Variants in PXDNL observed in about 807,000 individuals in gnomAD.
The protein encoded by PXDNL is peroxidasin like.
In PXDNL, 145 loss-of-function variants were observed where a neutral mutation model predicts 150.8. That is an observed-to-expected ratio of 0.96 (90% CI 0.84 to 1.10). The LOEUF is 1.10. Ranked by LOEUF, PXDNL falls within the 50% of genes least tolerant of loss-of-function variation. The pLI is 0.00. For synonymous variants in PXDNL, 757 were observed against 725.7 expected, an observed-to-expected ratio of 1.04 and a Z score of -0.69; for missense variants, 2,087 against 1,873.9, an observed-to-expected ratio of 1.11 and a Z score of -2.10.
At chr8:51,611,349 T>C (rs1813995312) in intron 2 of PXDNL, among the ~76,000 whole-genome samples, 1 of 152,202 alleles carries the variant, frequency 6.6e-6, no homozygotes, top group African/African-American at 2.4e-5. Context: ...AGAATGTAAC[T>C]GGATTTATTG....
At chr8:51,356,350 GT>G (rs1425902059) in intron 19 of PXDNL, among the ~76,000 whole-genome samples, 6 of 152,216 alleles carry the variant, frequency 3.9e-5, no homozygotes, top group Admixed American at 2.0e-4. Flanking sequence ...TTAGCTTGGT[GT>G]GGTGGCGGGT....
intron 4 of PXDNL, among the ~76,000 whole-genome samples, chr8:51,552,235 G>A (rs191559508): frequency 6.6e-6 from 1 of 151,850 alleles, no homozygotes; most frequent in Non-Finnish European, 1.5e-5. Flanking sequence ...TGCTGGTGGG[G>A]CAACCACTAA....
At chr8:51,387,917 C>T (rs573645179) in intron 17 of PXDNL, among the ~76,000 whole-genome samples, 38 of 152,166 alleles carry the variant, frequency 2.5e-4, no homozygotes, top group African/African-American at 9.2e-4. Flanking sequence ...AATCATGTTG[C>T]ACTATTCTTA....
chr8:51,406,231 A>T (rs1309857430), intron 17 of PXDNL, among the ~76,000 whole-genome samples: 1 of 152,234 alleles, frequency 6.6e-6, no homozygotes, highest in Non-Finnish European at 1.5e-5. Context: ...ACAAGACGTC[A>T]TACCCCTAAC....
At chr8:51,439,816 C>T (rs1487885907) in intron 12 of PXDNL, among the ~76,000 whole-genome samples, 1 of 117,936 alleles carries the variant, frequency 8.5e-6, no homozygotes, top group Non-Finnish European at 1.7e-5. Context: ...CAAAGTCAGA[C>T]TCCATCTCAA....
At chr8:51,610,647 A>C (rs1174563870) in intron 2 of PXDNL, among the ~76,000 whole-genome samples, 1 of 152,176 alleles carries the variant, frequency 6.6e-6, no homozygotes, top group Non-Finnish European at 1.5e-5. Flanking sequence ...GCTCTGTTGC[A>C]TCCTCTGCTA....
rs749281888 is a variant in PXDNL at position 51,408,977 on chromosome 8, C to CATAG, written c.2643_2646dup (p.Ala883LeufsTer139). 1 of 1,612,222 alleles carries CATAG rather than the reference C, an allele frequency of 6.2e-7. No individual in the cohort carries two copies. Among genetic ancestry groups the CATAG allele is most frequent in the South Asian group, 1.1e-5 (1 of 91,080 alleles). ...GTTTGCTGGTTGATCTGCTCTCGTG[C>CATAG]ATAGACTGAATCCACCGTCGCAGAG... On this transcript the variant is annotated frameshift_variant, in exon 17 of 23. Coordinates refer to ENST00000356297, the MANE Select transcript of PXDNL (RefSeq NM_144651.5). LOFTEE classifies it high-confidence loss of function.
intron 4 of PXDNL, among the ~76,000 whole-genome samples, chr8:51,545,722 T>A (rs1282153011): frequency 6.6e-6 from 1 of 152,198 alleles, no homozygotes; most frequent in African/African-American, 2.4e-5. Flanking sequence ...GATGTGGAAC[T>A]CACCCCCACA....
At chr8:51,716,503 C>A (rs1203301344) in intron 1 of PXDNL, among the ~76,000 whole-genome samples, 1 of 152,176 alleles carries the variant, frequency 6.6e-6, no homozygotes, top group Non-Finnish European at 1.5e-5. Context: ...CTACTGCACT[C>A]TTGCTGTGAA....
intron 3 of PXDNL, among the ~76,000 whole-genome samples, chr8:51,566,049 T>A (rs545984002): frequency 6.6e-6 from 1 of 152,004 alleles, no homozygotes; most frequent in African/African-American, 2.4e-5. Context: ...ATTTTATGCA[T>A]CTTCTGATAT....
At chr8:51,731,736 G>A (rs1816937196) in intron 1 of PXDNL, among the ~76,000 whole-genome samples, 3 of 152,166 alleles carry the variant, frequency 2.0e-5, no homozygotes, top group Non-Finnish European at 2.9e-5. Flanking sequence ...CTTAACTTCT[G>A]TGGACTCACA....
At chr8:51,612,062 G>T (rs916915583) in intron 2 of PXDNL, among the ~76,000 whole-genome samples, 4 of 152,192 alleles carry the variant, frequency 2.6e-5, no homozygotes, top group African/African-American at 7.2e-5. Context: ...TTAACCAAAG[G>T]AATAATGGTA....
chr8:51,642,781 A>G (rs1351603807), intron 2 of PXDNL, among the ~76,000 whole-genome samples: 2 of 152,232 alleles, frequency 1.3e-5, no homozygotes, highest in African/African-American at 4.8e-5. Flanking sequence ...ATGACTGTAT[A>G]TTTAGAAAAC....
At chr8:51,756,514 A>T (rs2037103864) in intron 1 of PXDNL, among the ~76,000 whole-genome samples, 1 of 152,120 alleles carries the variant, frequency 6.6e-6, no homozygotes, top group Non-Finnish European at 1.5e-5. Flanking sequence ...AAAACCTATG[A>T]TTAAGACATC....
intron 19 of PXDNL, among the ~76,000 whole-genome samples, chr8:51,370,533 C>T (rs764878117): frequency 1.3e-5 from 2 of 152,188 alleles, no homozygotes; most frequent in Non-Finnish European, 2.9e-5. Context: ...GAAAGAATGC[C>T]ACCCTCCCCG....
rs181092806 is a variant in PXDNL, at chr8:51,456,668, G to A, written c.982+830C>T. Reference sequence around the variant, plus strand: ...TTATCTTCGGTCTCAGGGTTATTATGCCTACTGTGTCTGCACGCTAGAAGT... The same window carrying A: ...TTATCTTCGGTCTCAGGGTTATTATACCTACTGTGTCTGCACGCTAGAAGT... On this transcript the variant is annotated intron_variant, in intron 9 of 22. Coordinates refer to ENST00000356297, the MANE Select transcript of PXDNL (RefSeq NM_144651.5). Among the ~76,000 whole-genome samples the A allele has an allele frequency of 2.1e-3, 316 of 152,222 alleles. 1 individual carries two copies. The highest frequency in any genetic ancestry group is 7.5e-3 in the African/African-American group (311 of 41,516).
intron 17 of PXDNL, among the ~76,000 whole-genome samples, chr8:51,378,853 G>C (rs1469329042): frequency 6.6e-6 from 1 of 151,904 alleles, no homozygotes; most frequent in African/African-American, 2.4e-5. Context: ...CTCTGAACAT[G>C]TTCGAACATC....
intron 1 of PXDNL, among the ~76,000 whole-genome samples, chr8:51,659,900 T>TTTAC (rs1338132834): frequency 6.9e-6 from 1 of 144,672 alleles, no homozygotes; most frequent in Non-Finnish European, 1.5e-5. Flanking sequence ...TATTTATTTA[T>TTTAC]TTATTTTGAG....
At chr8:51,471,518 C>T (rs373443158) in intron 8 of PXDNL, among the ~76,000 whole-genome samples, 1 of 151,784 alleles carries the variant, frequency 6.6e-6, no homozygotes, top group Non-Finnish European at 1.5e-5. Flanking sequence ...ATGTCAAATA[C>T]GAACTATCAG....
Sources: gnomAD v4.1 joint callset for allele counts (sites outside exome capture counted in the v4.1 genomes callset) on GRCh38, gnomAD v4.1.1 for gene constraint, MANE v1.5 for transcripts, NCBI Gene and HGNC (gene_info 2026-07-23, HGNC 2026-07-21) for gene names.